THADA: variants seen among roughly 807,000 people sequenced by gnomAD.
The protein encoded by THADA is tRNA (32-2'-O)-methyltransferase regulator THADA.
THADA carries 213 observed loss-of-function variants against 219.8 expected under a neutral mutation model. The ratio of observed to expected loss-of-function variants is 0.97; its 90% CI spans 0.87 to 1.09. THADA has a LOEUF of 1.09. THADA is among the 50% of genes least tolerant of loss of function. The pLI is 0.00. For synonymous variants in THADA, 1,018 were observed against 828.9 expected (o/e 1.23, Z -3.92); for missense variants, 2,956 against 2,311.3 (o/e 1.28, Z -5.72).
chr2:43,539,138 G>A (rs1694977062), intron 21 of THADA, among the ~76,000 whole-genome samples: 1 of 152,138 alleles, frequency 6.6e-6, no homozygotes, highest in Non-Finnish European at 1.5e-5. Context: ...CTCTAACTAG[G>A]GTTGCATTCT....
chr2:43,405,254 G>A (rs1460027147), intron 28 of THADA, among the ~76,000 whole-genome samples: 3 of 152,154 alleles, frequency 2.0e-5, no homozygotes, highest in East Asian at 3.8e-4. Flanking sequence ...TGTGTGGTTC[G>A]TAGTTTCAAA....
chr2:43,490,655 C>T (rs1025501636), intron 25 of THADA, among the ~76,000 whole-genome samples: 3 of 152,140 alleles, frequency 2.0e-5, no homozygotes, highest in Non-Finnish European at 4.4e-5. Context: ...TCTGTGGTTT[C>T]AGTTACCTGT....
At chr2:43,316,299 A>C (rs77651050) in intron 31 of THADA, among the ~76,000 whole-genome samples, 1 of 152,198 alleles carries the variant, frequency 6.6e-6, no homozygotes, top group African/African-American at 2.4e-5. Flanking sequence ...CCTTCATTGC[A>C]CCTACTTATA....
At chr2:43,403,698 C>T (rs1675156500) in intron 28 of THADA, among the ~76,000 whole-genome samples, 2 of 152,130 alleles carry the variant, frequency 1.3e-5, no homozygotes, top group South Asian at 2.1e-4. Context: ...AAAACAGAGG[C>T]CCCAAACTTC....
rs1702104482 is a variant in THADA at position 43,595,931 on chromosome 2, C to G, written c.-25G>C. On this transcript the variant is annotated splice_region_variant and 5_prime_UTR_variant, in exon 1 of 38. Coordinates refer to ENST00000405975, the MANE Select transcript of THADA (RefSeq NM_022065.5). ...CAGGCAGGACACCTGGGAGCCAAACCTCGTGCACGTCGGCGTCTGAGAAGA... is the reference window on the plus strand; with the variant it reads ...CAGGCAGGACACCTGGGAGCCAAACGTCGTGCACGTCGGCGTCTGAGAAGA... 6.6e-6 allele frequency: 1 copy of G among 152,362 alleles called. No homozygotes were observed. Among genetic ancestry groups the G allele is most frequent in the Non-Finnish European group, 1.5e-5 (1 of 68,066 alleles). 9.4% of individuals were successfully genotyped at this position (152,362 alleles called of 1,614,324 possible). A position where few individuals can be genotyped will look rare whatever the true frequency, so the allele number is the denominator to read the frequency against.
intron 29 of THADA, among the ~76,000 whole-genome samples, chr2:43,367,676 G>A (rs952577231): frequency 6.6e-6 from 1 of 152,178 alleles, no homozygotes; most frequent in East Asian, 1.9e-4. Flanking sequence ...GTGGGGAAAG[G>A]AACAATTATT....
intron 26 of THADA, among the ~76,000 whole-genome samples, chr2:43,469,858 C>G (rs1356383469): frequency 6.6e-6 from 1 of 152,080 alleles, no homozygotes; most frequent in Non-Finnish European, 1.5e-5. Flanking sequence ...AGACTGTAGG[C>G]AACAGAAAGC....
chr2:43,265,545 T>C (rs1671420715), intron 36 of THADA, among the ~76,000 whole-genome samples: 1 of 152,094 alleles, frequency 6.6e-6, no homozygotes, highest in Admixed American at 6.5e-5. Context: ...CTGTTATCAC[T>C]CCTGTATCCC....
intron 31 of THADA, among the ~76,000 whole-genome samples, chr2:43,316,640 A>G (rs879298115): frequency 2.6e-5 from 4 of 152,180 alleles, no homozygotes; most frequent in Non-Finnish European, 5.9e-5. Flanking sequence ...AATAATAATG[A>G]TAATAGGCTG....
chr2:43,337,471 GCA>G (rs1666587839), intron 30 of THADA, among the ~76,000 whole-genome samples: 2 of 152,104 alleles, frequency 1.3e-5, no homozygotes, highest in African/African-American at 4.8e-5. Context: ...ACGAAGCTTG[GCA>G]CAGAGTAAGC....
At chr2:43,257,779 A>G (rs1474303684) in intron 36 of THADA, among the ~76,000 whole-genome samples, 2 of 152,274 alleles carry the variant, frequency 1.3e-5, no homozygotes, top group African/African-American at 4.8e-5. Flanking sequence ...TTTAGTAATT[A>G]CAACCAACAC....
intron 36 of THADA, among the ~76,000 whole-genome samples, chr2:43,268,828 G>A (rs1448242366): frequency 6.6e-6 from 1 of 152,222 alleles, no homozygotes; most frequent in African/African-American, 2.4e-5. Context: ...GGAGGGCAAA[G>A]GGCAGGTGCC....
chr2:43,455,504 G>GCC (rs1682875443), intron 26 of THADA, among the ~76,000 whole-genome samples: 1 of 149,578 alleles, frequency 6.7e-6, no homozygotes, highest in Non-Finnish European at 1.5e-5. Flanking sequence ...ACGTGCTCTC[G>GCC]CTCTCTCTCT....
In THADA at chr2:43,592,041, C is replaced by A. The variant is rs1701639962; in HGVS notation, c.82G>T (p.Ala28Ser). 1.9e-6 allele frequency: 3 copies of A among 1,554,480 alleles called. No homozygotes were observed. The highest frequency in any genetic ancestry group is 1.7e-6 in the Non-Finnish European group (2 of 1,148,392). The change falls in exon 3 of 38, where the codon GCT becomes TCT. Residue 28 changes from alanine (A) to serine (S), a missense_variant. By Grantham distance (99) the Ala-to-Ser change is moderately conservative. Coordinates refer to ENST00000405975, the MANE Select transcript of THADA (RefSeq NM_022065.5). ...HQDLETLKSF[A>S]DVEGKNLASL... ...GCTAGATTTTTCCCTTCCACATCAGCAAAAGCTATATAACATATACAAAAA... is the reference window on the plus strand; with the variant it reads ...GCTAGATTTTTCCCTTCCACATCAGAAAAAGCTATATAACATATACAAAAA...
intron 24 of THADA, among the ~76,000 whole-genome samples, chr2:43,503,276 T>C (rs902500224): frequency 2.6e-5 from 4 of 152,158 alleles, no homozygotes; most frequent in Non-Finnish European, 4.4e-5. Context: ...TTCAGCATTG[T>C]TTGTAATAGA....
At position 43,333,416 on chromosome 2, in the gene THADA, C is replaced by A. The variant is rs76479987; in HGVS notation, c.4343+10706G>T. ...GGTCCTAATGAGAACCTCTCTCTTC[C>A]AGTAAAATCTAGGAATTGAAAAGCA... On this transcript the variant is annotated intron_variant, in intron 30 of 37. Coordinates refer to ENST00000405975, the MANE Select transcript of THADA (RefSeq NM_022065.5). Among the ~76,000 whole-genome samples the A allele has an allele frequency of 7.6e-3, 1,158 of 151,564 alleles. 16 individuals are homozygous for A. Among genetic ancestry groups the A allele is most frequent in the African/African-American group, 0.026 (1,080 of 41,244 alleles).
intron 20 of THADA, among the ~76,000 whole-genome samples, chr2:43,547,556 TG>T (rs1381866132): frequency 6.6e-6 from 1 of 152,232 alleles, no homozygotes; most frequent in Non-Finnish European, 1.5e-5. Context: ...TTGGAGGCTT[TG>T]TTCATTTCTT....
intron 24 of THADA, 150 bp from the exon 25 acceptor site, chr2:43,499,105 C>G (rs1215041189): frequency 1.6e-5 from 14 of 876,520 alleles, no homozygotes; most frequent in Non-Finnish European, 2.3e-5. Flanking sequence ...TTTAATAAAA[C>G]ACATCCAGTA....
At chr2:43,272,414 G>C (rs1672231574) in intron 36 of THADA, among the ~76,000 whole-genome samples, 1 of 152,200 alleles carries the variant, frequency 6.6e-6, no homozygotes, top group African/African-American at 2.4e-5. Context: ...TCTGGGGAGA[G>C]ATGGTGGTGG....
Sources: gnomAD v4.1 joint callset for allele counts (sites outside exome capture counted in the v4.1 genomes callset) on GRCh38, gnomAD v4.1.1 for gene constraint, MANE v1.5 for transcripts, NCBI Gene and HGNC (gene_info 2026-07-23, HGNC 2026-07-21) for gene names.